Variants in AEBP1 observed in about 807,000 individuals in gnomAD.
AEBP1 encodes the protein adipocyte enhancer-binding protein 1.
AEBP1 carries 69 observed loss-of-function variants against 116.5 expected under a neutral mutation model. The observed-to-expected ratio is 0.59, with a 90% CI of 0.49 to 0.72. The LOEUF is 0.72. AEBP1 is among the 30% of genes least tolerant of loss of function. The probability of loss-of-function intolerance (pLI) is 0.00; values close to 1 mark genes in which losing one functional copy is unlikely to be tolerated. For missense variants in AEBP1, 1,444 were observed against 1,557.5 expected, an observed-to-expected ratio of 0.93 and a Z score of 1.23; for synonymous variants, 627 against 627.3, an observed-to-expected ratio of 1.00 and a Z score of 0.01.
In AEBP1 at chr7:44,108,698, A is replaced by C. The variant is rs1356258960; in HGVS notation, c.941-201A>C. On this transcript the variant is annotated intron_variant, in intron 6 of 20. Coordinates refer to ENST00000223357, the MANE Select transcript of AEBP1 (RefSeq NM_001129.5). The surrounding 1 kb of genome is among the most constrained non-coding windows in gnomAD (Gnocchi z 5.0). The stretch of plus-strand genomic sequence containing the variant: ...ATGCTCCTGGAAGGCCGGGCTGGTG[A>C]CTTCAGCAGGGTCTTGCTCAGCTGC... Among the ~76,000 whole-genome samples, 3 of 152,018 alleles carry C rather than the reference A, an allele frequency of 2.0e-5. No individual in the cohort carries two copies. Among genetic ancestry groups the C allele is most frequent in the Non-Finnish European group, 4.4e-5 (3 of 68,006 alleles).
In AEBP1 at chr7:44,111,988, GAC is replaced by G; in HGVS notation, c.1980_1981del (p.Arg661HisfsTer10). The G allele has an allele frequency of 1.9e-6, 3 of 1,613,830 alleles. No individual in the cohort carries two copies. Among genetic ancestry groups the G allele is most frequent in the Non-Finnish European group, 2.5e-6 (3 of 1,180,016 alleles). On this transcript the variant is annotated frameshift_variant, in exon 16 of 21. Transcript: ENST00000223357. LOFTEE classifies it high-confidence loss of function. This position sits in a 1 kb window ranked among gnomAD's most constrained non-coding sequence, Gnocchi z 4.7. ...CCCACGTGTGCGCAGCCTGGTGCAG[GAC>G]ACACGCATCCACCTGGTGCCCTCAC... ...GNPRVRSLVQDTRIHLVPSLN... is the reference protein window; with the variant it reads ...GNPRVRSLVQXTRIHLVPSLN...
rs992292143 is a variant in AEBP1 at position 44,109,317 on chromosome 7, G to A, written c.1126G>A (p.Glu376Lys). 1.2e-6 allele frequency: 2 copies of A among 1,602,966 alleles called. No individual in the cohort carries two copies. The highest frequency in any genetic ancestry group is 1.3e-5 in the African/African-American group (1 of 74,578). The change falls in exon 9 of 21, where the codon GAG becomes AAG. Residue 376 changes from glutamate (E) to lysine (K), a missense_variant. By Grantham distance (56) the Glu-to-Lys change is moderately conservative. Coordinates refer to ENST00000223357, the MANE Select transcript of AEBP1 (RefSeq NM_001129.5). Reference protein sequence around the residue: ...EPRKGEELEEEWTPTEKVKCP... With the variant: ...EPRKGEELEEKWTPTEKVKCP... Reference sequence around the variant, plus strand: ...CCGAAAGGGCGAGGAGTTGGAGGAGGAGTGGACGCCTACGGAGAAAGTCAG... The same window carrying A: ...CCGAAAGGGCGAGGAGTTGGAGGAGAAGTGGACGCCTACGGAGAAAGTCAG...
chr7:44,111,843 C>T lies in AEBP1; in HGVS notation c.1841-11C>T, dbSNP rs755764814. The T allele has an allele frequency of 1.3e-5, 21 of 1,609,794 alleles. No homozygotes were observed. Among genetic ancestry groups the T allele is most frequent in the South Asian group, 9.9e-5 (9 of 90,618 alleles). Reference sequence around the variant, plus strand: ...GAGACTGAGTGCTCACTGAGGCTCCCGCCCTTGCAGGGGAGCCCGAGTTCC... The same window carrying T: ...GAGACTGAGTGCTCACTGAGGCTCCTGCCCTTGCAGGGGAGCCCGAGTTCC... On this transcript the variant is annotated splice_polypyrimidine_tract_variant and intron_variant, in intron 15 of 20. Transcript: ENST00000223357. This position sits in a 1 kb window ranked among gnomAD's most constrained non-coding sequence, Gnocchi z 4.7.
In AEBP1 at chr7:44,112,259, C is replaced by T; in HGVS notation, c.2155C>T (p.Pro719Ser). ...GGGAGCTGAGGAGAGGAAATGGGTC[C>T]CCTACCGGGTCCCCAACAATAACTT... ...LWGAEERKWV[P>S]YRVPNNNLPI... The change falls in exon 17 of 21, where the codon CCC becomes TCC. Residue 719 changes from proline to serine, a missense_variant. Pro to Ser is a moderately conservative substitution (Grantham distance 74, BLOSUM62 -1). Transcript: ENST00000223357. The surrounding 1 kb of genome is among the most constrained non-coding windows in gnomAD (Gnocchi z 6.6). 2 of 1,598,038 alleles carry T rather than the reference C, an allele frequency of 1.3e-6. No individual in the cohort carries two copies. Among genetic ancestry groups the T allele is most frequent in the African/African-American group, 1.3e-5 (1 of 74,298 alleles).
In AEBP1 at chr7:44,109,147, C is replaced by G. The variant is rs773837826; in HGVS notation, c.1059C>G (p.Thr353=). ...KKEDSSPKEE[T]DKWAVEKGKD... ...AGGACAGCAGCCCCAAGGAGGAGAC[C>G]GACAAGTGGGCAGTGGAGAAGGGCA... is the stretch of plus-strand genomic sequence containing the variant. The change falls in exon 8 of 21, where the codon ACC becomes ACG. Residue 353 remains threonine, a synonymous_variant. Coordinates refer to ENST00000223357, the MANE Select transcript of AEBP1 (RefSeq NM_001129.5). 6 of 1,613,558 alleles carry G rather than the reference C, an allele frequency of 3.7e-6. No individual in the cohort carries two copies. Among genetic ancestry groups the G allele is most frequent in the Non-Finnish European group, 5.1e-6 (6 of 1,180,008 alleles).
In AEBP1 at chr7:44,108,895, A is replaced by T. The variant is rs1389490678; in HGVS notation, c.941-4A>T. On this transcript the variant is annotated splice_region_variant and splice_polypyrimidine_tract_variant and intron_variant, in intron 6 of 20. Coordinates refer to ENST00000223357, the MANE Select transcript of AEBP1 (RefSeq NM_001129.5). The surrounding 1 kb of genome is among the most constrained non-coding windows in gnomAD (Gnocchi z 5.0). ...CAGCCTCAGCTGGCTCTCCCTCCCC[A>T]TAGTGGACTATTACTTTGGGCCTCC... is the stretch of plus-strand genomic sequence containing the variant. 1.1e-5 allele frequency: 17 copies of T among 1,572,838 alleles called. No homozygotes were observed.
Position 44,111,239 on chromosome 7 carries a change from G to A in AEBP1, c.1716G>A (p.Gln572=). The change falls in exon 14 of 21, where the codon CAG becomes CAA. Residue 572 remains glutamine (Q), a splice_region_variant and synonymous_variant. Coordinates refer to ENST00000223357, the MANE Select transcript of AEBP1 (RefSeq NM_001129.5). The surrounding 1 kb of genome is among the most constrained non-coding windows in gnomAD (Gnocchi z 4.7). ...ACCACAGCTACAAGGACATGCGCCAGGTTGGGAGCATATATCCTGGGGCTG... is the reference window on the plus strand; with the variant it reads ...ACCACAGCTACAAGGACATGCGCCAAGTTGGGAGCATATATCCTGGGGCTG... ...FRHHSYKDMR[Q]LMKVVNEECP... is the part of the protein sequence containing the mutation. The A allele has an allele frequency of 6.6e-7, 1 of 1,513,408 alleles. No homozygotes were observed. Among genetic ancestry groups the A allele is most frequent in the South Asian group, 1.3e-5 (1 of 74,292 alleles). The allele number at this position is 1,513,408 out of a possible 1,614,324, so 93.7% of individuals were successfully genotyped here.
In AEBP1 at chr7:44,114,387, G is replaced by A; in HGVS notation, c.*126G>A. On this transcript the variant is annotated 3_prime_UTR_variant, in exon 21 of 21. Transcript: ENST00000223357. ...CCCCTGGTATGGACACTGAAAGGAA[G>A]GGCTGGTCCTGCCCCTTTGAGGGGG... The A allele has an allele frequency of 9.1e-7, 1 of 1,103,168 alleles. No homozygotes were observed. Among genetic ancestry groups the A allele is most frequent in the East Asian group, 2.5e-5 (1 of 40,174 alleles). The allele number at this position is 1,103,168 out of a possible 1,614,324, so 68.3% of individuals were successfully genotyped here.
In AEBP1 at chr7:44,104,363, G is replaced by A; in HGVS notation, c.-303G>A. 4.3e-6 allele frequency: 1 copy of A among 232,184 alleles called. No individual in the cohort carries two copies. Among genetic ancestry groups the A allele is most frequent in the East Asian group, 7.9e-5 (1 of 12,656 alleles). 14.4% of individuals were successfully genotyped at this position (232,184 alleles called of 1,614,324 possible). On this transcript the variant is annotated 5_prime_UTR_variant, in exon 1 of 21. Coordinates refer to ENST00000223357, the MANE Select transcript of AEBP1 (RefSeq NM_001129.5). ...GGGCCCCGCCAGCGCTTTGGAGACG[G>A]CTATCCGCGCGGGAGTGCGCCACGC...
chr7:44,104,443 A>G lies in AEBP1; in HGVS notation c.-223A>G. The G allele has an allele frequency of 2.6e-6, 1 of 392,098 alleles. No homozygotes were observed. 24.3% of individuals were successfully genotyped at this position (392,098 alleles called of 1,614,324 possible). A position where few individuals can be genotyped will look rare whatever the true frequency, so the allele number is the denominator to read the frequency against. ...CCTCGGAGCGCCCCGACCACCCCTGAGCCCCTCTGGCTTCGGAGCCCCCCA... is the reference window on the plus strand; with the variant it reads ...CCTCGGAGCGCCCCGACCACCCCTGGGCCCCTCTGGCTTCGGAGCCCCCCA... On this transcript the variant is annotated 5_prime_UTR_variant, in exon 1 of 21. Coordinates refer to ENST00000223357, the MANE Select transcript of AEBP1 (RefSeq NM_001129.5).
chr7:44,107,858 G>A lies in AEBP1; in HGVS notation c.789G>A (p.Arg263=). Reference sequence around the variant, plus strand: ...AACCCAGGCCACCCCCAAGCAGAAGGAGGAGGCCCGAGCGGGTCTGGCCAG... The same window carrying A: ...AACCCAGGCCACCCCCAAGCAGAAGAAGGAGGCCCGAGCGGGTCTGGCCAG... ...QKQPRPPPSR[R]RRPERVWPEP... is the part of the protein sequence containing the mutation. The change falls in exon 5 of 21, where the codon AGG becomes AGA. Residue 263 remains arginine (R), a synonymous_variant. Coordinates refer to ENST00000223357, the MANE Select transcript of AEBP1 (RefSeq NM_001129.5). This position sits in a 1 kb window ranked among gnomAD's most constrained non-coding sequence, Gnocchi z 4.3. 1 of 1,609,598 alleles carries A rather than the reference G, an allele frequency of 6.2e-7. No individual in the cohort carries two copies. The highest frequency in any genetic ancestry group is 8.5e-7 in the Non-Finnish European group (1 of 1,178,686).
rs1004298539 is a variant in AEBP1, at chr7:44,113,136, G to A, written c.2709+6G>A. The A allele has an allele frequency of 6.2e-7, 1 of 1,613,788 alleles. No individual in the cohort carries two copies. Among genetic ancestry groups the A allele is most frequent in the African/African-American group, 1.3e-5 (1 of 74,888 alleles). ...TGCTCACCTTCATGGAGCAGGTGGG[G>A]TGGCTAGGGCAATGCCTGGGGAGAG... is the stretch of plus-strand genomic sequence containing the variant. On this transcript the variant is annotated splice_donor_region_variant and intron_variant, in intron 19 of 20. Transcript: ENST00000223357. The surrounding 1 kb of genome is among the most constrained non-coding windows in gnomAD (Gnocchi z 5.3).
chr7:44,113,574 G>A lies in AEBP1; in HGVS notation c.2810-20G>A, dbSNP rs1339543837. 3 of 1,596,842 alleles carry A rather than the reference G, an allele frequency of 1.9e-6. No individual in the cohort carries two copies. Among genetic ancestry groups the A allele is most frequent in the Non-Finnish European group, 2.6e-6 (3 of 1,174,246 alleles). On this transcript the variant is annotated intron_variant, in intron 20 of 20. Transcript: ENST00000223357. The surrounding 1 kb of genome is among the most constrained non-coding windows in gnomAD (Gnocchi z 5.3). The stretch of plus-strand genomic sequence containing the variant: ...CTGGGAGGGGCGCTCTGGGGCAGCC[G>A]GATCGTTCTCCCTCCGCAGCCAGTG...
In AEBP1 at chr7:44,108,599, C is replaced by A. The variant is rs1056631379; in HGVS notation, c.941-300C>A. Reference sequence around the variant, plus strand: ...CCCCATCTCACCCCCCAGCCCGCAACCCCAGGCACAGGTGCCAGTTGTCCC... The same window carrying A: ...CCCCATCTCACCCCCCAGCCCGCAAACCCAGGCACAGGTGCCAGTTGTCCC... On this transcript the variant is annotated intron_variant, in intron 6 of 20. Coordinates refer to ENST00000223357, the MANE Select transcript of AEBP1 (RefSeq NM_001129.5). This position sits in a 1 kb window ranked among gnomAD's most constrained non-coding sequence, Gnocchi z 5.0. Among the ~76,000 whole-genome samples the A allele has an allele frequency of 5.3e-5, 8 of 152,318 alleles. No homozygotes were observed. In the South Asian group the frequency reaches 1.5e-3, roughly 28 times the overall value.
In AEBP1 at chr7:44,111,815, C is replaced by G. The variant is rs777140477; in HGVS notation, c.1841-39C>G. 1.9e-6 allele frequency: 3 copies of G among 1,591,992 alleles called. No individual in the cohort carries two copies. Among genetic ancestry groups the G allele is most frequent in the Non-Finnish European group, 2.6e-6 (3 of 1,168,692 alleles). On this transcript the variant is annotated intron_variant, in intron 15 of 20. Coordinates refer to ENST00000223357, the MANE Select transcript of AEBP1 (RefSeq NM_001129.5). The surrounding 1 kb of genome is among the most constrained non-coding windows in gnomAD (Gnocchi z 4.7). ...GTCCTTCCTCAGCTGCCCTGGGCCT[C>G]GGGAGACTGAGTGCTCACTGAGGCT...
Position 44,113,775 on chromosome 7 carries a change from C to T in AEBP1, c.2991C>T (p.Asn997=), listed in dbSNP as rs1562689944. 1.2e-6 allele frequency: 2 copies of T among 1,614,084 alleles called. No homozygotes were observed. Among genetic ancestry groups the T allele is most frequent in the Admixed American group, 1.7e-5 (1 of 60,018 alleles). The stretch of plus-strand genomic sequence containing the variant: ...GCATCCGGGAGATCATGGCCATGAA[C>T]GGGAACCGGCCTATCCCACACATAG... The part of the protein sequence containing the change: ...WKRIREIMAM[N]GNRPIPHIDP... Residue 997 remains asparagine, a synonymous_variant, in exon 21 of 21, where the codon AAC becomes AAT. Transcript: ENST00000223357. The surrounding 1 kb of genome is among the most constrained non-coding windows in gnomAD (Gnocchi z 5.3).
rs755132794 is a variant in AEBP1, at chr7:44,113,826, A to ACAGCGACGCCTGCAG, written c.3054_3068dup (p.Gln1020_Gln1024dup). The ACAGCGACGCCTGCAG allele has an allele frequency of 8.1e-6, 13 of 1,613,798 alleles. No homozygotes were observed. The highest frequency in any genetic ancestry group is 2.7e-5 in the African/African-American group (2 of 74,882). ...ACCCATCGCGCCCTATGACCCCCCAACAGCGACGCCTGCAGCAGCGACGCC... is the reference window on the plus strand; with the variant it reads ...ACCCATCGCGCCCTATGACCCCCCAACAGCGACGCCTGCAGCAGCGACGCCTGCAGCAGCGACGCC... On this transcript the variant is annotated inframe_insertion, in exon 21 of 21. Transcript: ENST00000223357. This position sits in a 1 kb window ranked among gnomAD's most constrained non-coding sequence, Gnocchi z 5.3.
Position 44,107,576 on chromosome 7 carries a change from C to G in AEBP1, c.668-53C>G. ...CTGGCTGGTTGGACTGAGGGCTTCC[C>G]CAGAGTAGGCCTGGGTGGGGTTGTC... On this transcript the variant is annotated intron_variant, in intron 3 of 20. Coordinates refer to ENST00000223357, the MANE Select transcript of AEBP1 (RefSeq NM_001129.5). The surrounding 1 kb of genome is among the most constrained non-coding windows in gnomAD (Gnocchi z 4.3). 6.2e-7 allele frequency: 1 copy of G among 1,613,304 alleles called. No homozygotes were observed. Among genetic ancestry groups the G allele is most frequent in the Admixed American group, 1.7e-5 (1 of 60,022 alleles).
Position 44,111,529 on chromosome 7 carries a change from A to G in AEBP1, c.1739A>G (p.Glu580Gly), listed in dbSNP as rs769614335. Residue 580 changes from glutamate to glycine, a missense_variant, in exon 15 of 21, where the codon GAG (glutamate) becomes GGG (glycine). Physicochemically the swap from Glu to Gly is moderately conservative, Grantham distance 98. Transcript: ENST00000223357. This position sits in a 1 kb window ranked among gnomAD's most constrained non-coding sequence, Gnocchi z 4.7. ...MRQLMKVVNE[E>G]CPTITRTYSL... ...CAGCTCATGAAGGTGGTGAACGAGG[A>G]GTGCCCCACCATCACCCGCACTTAC... 12 of 1,599,756 alleles carry G rather than the reference A, an allele frequency of 7.5e-6. No individual in the cohort carries two copies. In the South Asian group the frequency reaches 1.3e-4, roughly 18 times the overall value.
Sources: gnomAD v4.1 joint callset for allele counts (sites outside exome capture counted in the v4.1 genomes callset) on GRCh38, gnomAD v4.1.1 for gene constraint, Gnocchi (gnomAD v3.1) non-coding constraint, MANE v1.5 for transcripts, NCBI Gene and HGNC (gene_info 2026-07-23, HGNC 2026-07-21) for gene names.